AKR1C3: variants seen among roughly 807,000 people sequenced by gnomAD.
AKR1C3 encodes 3-alpha hydroxysteroid dehydrogenase, type II.
AKR1C3 carries 48 observed loss-of-function variants against 43.6 expected under a neutral mutation model. The ratio of observed to expected loss-of-function variants is 1.10; its 90% CI spans 0.87 to 1.40. The LOEUF is 1.40. Among genes scored for constraint, AKR1C3 ranks in the 40% most tolerant of loss-of-function variants. AKR1C3 has a pLI of 0.00. For missense variants in AKR1C3, 482 were observed against 391.2 expected (o/e 1.23, Z -1.96); for synonymous variants, 162 against 139.6 (o/e 1.16, Z -1.13).
At position 5,103,041 on chromosome 10, in the gene AKR1C3, C is replaced by G. The variant is rs75745524; in HGVS notation, c.846+391C>G. ...AGTAGCTGGGATTACAGGTGCCTAC[C>G]ACCAAGCCCGGCTAATTTTTGTAAT... On this transcript the variant is annotated intron_variant, in intron 7 of 8. Transcript: ENST00000380554. Among the ~76,000 whole-genome samples the G allele has an allele frequency of 1.6e-3, 237 of 143,812 alleles. 2 individuals are homozygous for G. Among genetic ancestry groups the G allele is most frequent in the African/African-American group, 6.8e-3 (231 of 33,958 alleles). 94.3% of individuals were successfully genotyped at this position (143,812 alleles called of 152,430 possible).
upstream of AKR1C3, among the ~76,000 whole-genome samples, chr10:5,092,235 C>T (rs2131831579): frequency 6.6e-6 from 1 of 152,078 alleles, no homozygotes; most frequent in African/African-American, 2.4e-5. Context: ...TTGTTGTTGG[C>T]TTTTAGAGTT....
upstream of AKR1C3, among the ~76,000 whole-genome samples, chr10:5,091,625 A>G (rs1433331495): frequency 4.6e-5 from 7 of 152,076 alleles, no homozygotes; most frequent in African/African-American, 1.7e-4. Flanking sequence ...TTGGGATTAT[A>G]TACAGCACCC....
intron 1 of AKR1C3, among the ~76,000 whole-genome samples, chr10:5,065,116 G>A (rs1487949663): frequency 6.6e-6 from 1 of 152,098 alleles, no homozygotes; most frequent in East Asian, 1.9e-4. Context: ...AAAATAACAG[G>A]TGCTGCTAAG....
chr10:5,060,351 T>C (rs1412310868), intron 1 of AKR1C3, among the ~76,000 whole-genome samples: 1 of 152,196 alleles, frequency 6.6e-6, no homozygotes, highest in African/African-American at 2.4e-5. Context: ...TGGTCTGTTT[T>C]ACAGAGAGCT....
At chr10:5,104,170 C>A (rs1554786657) in intron 7 of AKR1C3, among the ~76,000 whole-genome samples, 2 of 152,010 alleles carry the variant, frequency 1.3e-5, no homozygotes. Context: ...AGTGGCATGT[C>A]TTTTCTTATA....
intron 1 of AKR1C3, among the ~76,000 whole-genome samples, chr10:5,088,316 G>A (rs549052196): frequency 3.1e-4 from 47 of 152,150 alleles, no homozygotes; most frequent in African/African-American, 1.1e-3. Flanking sequence ...AGAATGTTCT[G>A]TAAATGATTA....
chr10:5,104,949 C>CTCTCTCATTCTCTGTATCACTATT (rs1327814380), intron 7 of AKR1C3, among the ~76,000 whole-genome samples: 4 of 152,136 alleles, frequency 2.6e-5, no homozygotes, highest in African/African-American at 9.7e-5. Context: ...TTTATTCTCT[C>CTCTCTCATTCTCTGTATCACTATT]TCTCTCATTC....
intron 8 of AKR1C3, among the ~76,000 whole-genome samples, chr10:5,105,969 TG>T (rs1839490644): frequency 6.6e-6 from 1 of 152,210 alleles, no homozygotes; most frequent in East Asian, 1.9e-4. Flanking sequence ...TTTCTACCAC[TG>T]GACATGCTGT....
chr10:5,107,079 CTATATCA>C (rs1317229093), intron 8 of AKR1C3, among the ~76,000 whole-genome samples: 8 of 152,166 alleles, frequency 5.3e-5, no homozygotes, highest in Admixed American at 1.3e-4. Flanking sequence ...ATATTAGACC[CTATATCA>C]TATATAACAA....
intron 1 of AKR1C3, among the ~76,000 whole-genome samples, chr10:5,083,217 C>A (rs1838874294): frequency 6.6e-6 from 1 of 152,100 alleles, no homozygotes; most frequent in African/African-American, 2.4e-5. Context: ...CTAATGCTAT[C>A]CCTCCCGACT....
intron 8 of AKR1C3, among the ~76,000 whole-genome samples, chr10:5,106,266 G>A (rs1554787204): frequency 6.6e-6 from 1 of 152,150 alleles, no homozygotes; most frequent in East Asian, 1.9e-4. Context: ...AGGAGCGCTT[G>A]TCCTTGATTT....
chr10:5,084,754 G>A (rs1554782756), intron 1 of AKR1C3, among the ~76,000 whole-genome samples: 3 of 152,196 alleles, frequency 2.0e-5, no homozygotes, highest in South Asian at 2.1e-4. Context: ...TTATTTCATT[G>A]AGTAGTGGTT....
chr10:5,087,834 G>A (rs1554783444), intron 1 of AKR1C3, among the ~76,000 whole-genome samples: 2 of 150,710 alleles, frequency 1.3e-5, no homozygotes, highest in African/African-American at 4.9e-5. Context: ...TTTAGTTATG[G>A]TGTGACCATT....
chr10:5,058,046 C>T (rs1554779814), intron 1 of AKR1C3, among the ~76,000 whole-genome samples: 1 of 152,078 alleles, frequency 6.6e-6, no homozygotes, highest in Non-Finnish European at 1.5e-5. Context: ...TTCCCCTCCC[C>T]TACAGCTTGA....
chr10:5,100,049 T>C (rs1839309523), intron 5 of AKR1C3, among the ~76,000 whole-genome samples: 1 of 152,182 alleles, frequency 6.6e-6, no homozygotes, highest in South Asian at 2.1e-4. Flanking sequence ...TCCCAGCACT[T>C]TGGGAGGCAA....
intron 1 of AKR1C3, among the ~76,000 whole-genome samples, chr10:5,087,884 T>G (rs1458822248): frequency 6.6e-6 from 1 of 152,128 alleles, no homozygotes; most frequent in Non-Finnish European, 1.5e-5. Context: ...CTTGGTTTGC[T>G]CTTATTTTTC....
chr10:5,080,304 C>G (rs893788432), intron 1 of AKR1C3, among the ~76,000 whole-genome samples: 5 of 152,134 alleles, frequency 3.3e-5, no homozygotes, highest in Non-Finnish European at 1.5e-5. Context: ...GCATAATTAT[C>G]ACCTTTAGTT....
At chr10:5,086,272 T>G (rs2131824296) in intron 1 of AKR1C3, among the ~76,000 whole-genome samples, 1 of 151,752 alleles carries the variant, frequency 6.6e-6, no homozygotes, top group African/African-American at 2.4e-5. Flanking sequence ...TCTGGTATGT[T>G]GTGTCTTTGT....
chr10:5,077,000 T>A (rs1838729344), intron 1 of AKR1C3, among the ~76,000 whole-genome samples: 1 of 152,210 alleles, frequency 6.6e-6, no homozygotes, highest in African/African-American at 2.4e-5. Flanking sequence ...TTTCAGCACC[T>A]CATTGGGATT....
Sources: allele counts gnomAD v4.1 joint callset (sites outside exome capture counted in the v4.1 genomes callset), GRCh38; gene constraint gnomAD v4.1.1; transcripts MANE v1.5; gene names NCBI Gene and HGNC (gene_info 2026-07-23, HGNC 2026-07-21).